Variants in CALD1 observed in about 807,000 individuals in gnomAD.
CALD1 encodes the protein caldesmon.
Under a neutral mutation model 99.9 loss-of-function variants are expected in CALD1, and 33 were observed. That is an observed-to-expected ratio of 0.33 (90% CI 0.25 to 0.44). The LOEUF is 0.44. CALD1 is among the 20% of genes least tolerant of loss of function. The pLI is 1.00. For synonymous variants in CALD1, 310 were observed against 325.0 expected, an observed-to-expected ratio of 0.95 and a Z score of 0.50; for missense variants, 861 against 962.1, an observed-to-expected ratio of 0.89 and a Z score of 1.39.
chr7:134,944,924 C>T (rs562087812), intron 7 of CALD1, among the ~76,000 whole-genome samples: 2 of 152,174 alleles, frequency 1.3e-5, no homozygotes, highest in South Asian at 2.1e-4. Flanking sequence ...CTTTGAGTAT[C>T]GACATGTTTT....
At position 134,956,502 on chromosome 7, in the gene CALD1, C is replaced by T. The variant is rs369560795; in HGVS notation, c.1936-1567C>T. Among the ~76,000 whole-genome samples the T allele has an allele frequency of 1.1e-4, 17 of 152,300 alleles. No homozygotes were observed. In the East Asian group the frequency reaches 1.2e-3, roughly 10 times the overall value. On this transcript the variant is annotated intron_variant, in intron 9 of 14. Coordinates refer to ENST00000361675, the MANE Select transcript of CALD1 (RefSeq NM_033138.4). Reference sequence around the variant, plus strand: ...TTATTTGCTCCCTCTCTATTCTGCACTATATGAGGACACAGCAGGAAGGTG... The same window carrying T: ...TTATTTGCTCCCTCTCTATTCTGCATTATATGAGGACACAGCAGGAAGGTG...
At chr7:134,867,383 CA>C (rs1229461627) in intron 2 of CALD1, among the ~76,000 whole-genome samples, 5 of 152,118 alleles carry the variant, frequency 3.3e-5, no homozygotes, top group African/African-American at 4.8e-5. Context: ...TTACAAAGAG[CA>C]AAATCATTCA....
chr7:134,735,821 C>T, the CALD1 span, among the ~76,000 whole-genome samples: 2 of 152,026 alleles, frequency 1.3e-5, no homozygotes, highest in Non-Finnish European at 1.5e-5. Flanking sequence ...TATATAACTC[C>T]AAAAAGTCCA....
Position 134,752,831 on chromosome 7 carries a change from T to C in CALD1, c.-130+8468T>C, listed in dbSNP as rs188707704. On this transcript the variant is annotated intron_variant, in intron 1 of 13. Coordinates refer to the CALD1 transcript ENST00000417172. ...GCCTGGCCAACATGGTGAAACACCA[T>C]CTCTACTAAAAAATACAAAAATTAG... 2.3e-3 allele frequency among the ~76,000 whole-genome samples: 352 copies of C among 151,812 alleles called. 3 individuals are homozygous for C. The highest frequency in any genetic ancestry group is 8.1e-3 in the African/African-American group (335 of 41,412).
intron 2 of CALD1, among the ~76,000 whole-genome samples, chr7:134,863,593 C>T (rs1165286350): frequency 6.6e-6 from 1 of 152,132 alleles, no homozygotes; most frequent in Non-Finnish European, 1.5e-5. Context: ...CCAACACTGA[C>T]CCAAACAAAA....
At chr7:134,966,756 G>C (rs1808709549) in intron 14 of CALD1, among the ~76,000 whole-genome samples, 1 of 152,088 alleles carries the variant, frequency 6.6e-6, no homozygotes, top group Admixed American at 6.6e-5. Context: ...TTTTCTCTCG[G>C]TGGCAGGGGA....
chr7:134,845,287 A>C (rs1488634742), intron 2 of CALD1, among the ~76,000 whole-genome samples: 3 of 152,188 alleles, frequency 2.0e-5, no homozygotes, highest in Admixed American at 6.5e-5. Flanking sequence ...TTATTAAATG[A>C]ATGAATGAAT....
chr7:134,858,950 G>C (rs1800440656), intron 2 of CALD1, among the ~76,000 whole-genome samples: 1 of 152,142 alleles, frequency 6.6e-6, no homozygotes, highest in Non-Finnish European at 1.5e-5. Flanking sequence ...TCTTATATGG[G>C]GGCCACTAAA....
chr7:134,868,418 TG>T (rs1800905451), intron 3 of CALD1, among the ~76,000 whole-genome samples: 1 of 152,174 alleles, frequency 6.6e-6, no homozygotes, highest in African/African-American at 2.4e-5. Flanking sequence ...ATATAAAACC[TG>T]GGGCATAAAT....
chr7:134,965,311 G>C lies in CALD1; in HGVS notation c.2301G>C (p.Leu767Phe). ...TTCTGCTTCCTTTTTATCAGGACTT[G>C]AGACCAGGAGACGTATCCAGCAAGC... Reference protein sequence around the residue: ...NKSPAPKPSDLRPGDVSSKRN... With the variant: ...NKSPAPKPSDFRPGDVSSKRN... Residue 767 changes from leucine to phenylalanine, a missense_variant, in exon 14 of 15, where the codon TTG (leucine) becomes TTC (phenylalanine). Physicochemically the swap from Leu to Phe is conservative, Grantham distance 22. Around this residue, in one of 5 missense-constraint regions of CALD1, gnomAD observed 190 missense variants for 249.0 expected, o/e 0.76. Transcript: ENST00000361675. 3 of 1,562,032 alleles carry C rather than the reference G, an allele frequency of 1.9e-6. No homozygotes were observed. Among genetic ancestry groups the C allele is most frequent in the Non-Finnish European group, 2.6e-6 (3 of 1,132,586 alleles).
intron 3 of CALD1, among the ~76,000 whole-genome samples, chr7:134,875,690 A>C (rs1254784342): frequency 2.6e-5 from 4 of 152,212 alleles, no homozygotes; most frequent in African/African-American, 9.6e-5. Context: ...GACAGACAAG[A>C]ACCCTGTCTT....
At chr7:134,753,441 G>T (rs551982544) in intron 1 of CALD1, among the ~76,000 whole-genome samples, 1 of 152,276 alleles carries the variant, frequency 6.6e-6, no homozygotes, top group East Asian at 1.9e-4. Flanking sequence ...AATTTGTAAG[G>T]CCAGGGCAAT....
intron 1 of CALD1, among the ~76,000 whole-genome samples, chr7:134,796,462 A>G (rs1443733176): frequency 2.0e-5 from 3 of 152,310 alleles, no homozygotes; most frequent in South Asian, 2.1e-4. Flanking sequence ...TTCATAAAGG[A>G]CACACCCCAT....
intron 2 of CALD1, among the ~76,000 whole-genome samples, chr7:134,847,862 CAAGT>C (rs1799917921): frequency 2.0e-5 from 3 of 152,144 alleles, no homozygotes; most frequent in African/African-American, 7.2e-5. Context: ...CCCATAAGCG[CAAGT>C]GAGTACACAA....
intron 1 of CALD1, among the ~76,000 whole-genome samples, chr7:134,784,847 C>T (rs1797246149): frequency 6.6e-6 from 1 of 152,158 alleles, no homozygotes; most frequent in African/African-American, 2.4e-5. Flanking sequence ...TGACTCAGCT[C>T]AGCGCACGTG....
chr7:134,944,056 T>C (rs1018137901), intron 7 of CALD1, among the ~76,000 whole-genome samples: 1 of 152,136 alleles, frequency 6.6e-6, no homozygotes, highest in South Asian at 2.1e-4. Flanking sequence ...TGTACAGTAA[T>C]ATGATGAACA....
chr7:134,903,179 T>C (rs533436232), intron 3 of CALD1, among the ~76,000 whole-genome samples: 4 of 152,014 alleles, frequency 2.6e-5, no homozygotes, highest in Non-Finnish European at 4.4e-5. Context: ...GAGGGATGAA[T>C]AGGCAGAGCA....
intron 3 of CALD1, among the ~76,000 whole-genome samples, chr7:134,893,739 T>C (rs2132528976): frequency 6.6e-6 from 1 of 152,326 alleles, no homozygotes; most frequent in East Asian, 1.9e-4. Flanking sequence ...TATTACTAGC[T>C]TTGTACCGTC....
At chr7:134,885,660 G>A (rs1372275853) in intron 3 of CALD1, among the ~76,000 whole-genome samples, 5 of 152,128 alleles carry the variant, frequency 3.3e-5, no homozygotes, top group Non-Finnish European at 7.4e-5. Flanking sequence ...TTGAAGATTT[G>A]ACCTTTTCTT....
Sources: allele counts gnomAD v4.1 joint callset (sites outside exome capture counted in the v4.1 genomes callset), GRCh38; gene constraint gnomAD v4.1.1; regional missense constraint gnomAD v4.1.1; transcripts MANE v1.5; gene names NCBI Gene and HGNC (gene_info 2026-07-23, HGNC 2026-07-21).